Variants in SYNE1 observed in about 807,000 individuals in gnomAD.
SYNE1 encodes spectrin repeat containing nuclear envelope protein 1, also known as nesprin-1.
Under a neutral mutation model 1,111.0 loss-of-function variants are expected in SYNE1, and 616 were observed. That is an observed-to-expected ratio of 0.55 (90% CI 0.52 to 0.59). The LOEUF (loss-of-function observed/expected upper bound fraction) is 0.59, where lower values mean the gene tolerates loss of function less well. SYNE1 is among the 20% of genes least tolerant of loss of function. SYNE1 has a pLI of 0.00. For synonymous variants in SYNE1, 3,855 were observed against 3,825.8 expected, an observed-to-expected ratio of 1.01 and a Z score of -0.28; for missense variants, 10,006 against 10,417.0, an observed-to-expected ratio of 0.96 and a Z score of 1.72.
At chr6:152,559,000 A>AT (rs1199364098) in intron 3 of SYNE1, among the ~76,000 whole-genome samples, 1 of 150,006 alleles carries the variant, frequency 6.7e-6, no homozygotes, top group Non-Finnish European at 1.5e-5. Flanking sequence ...TTATTTATTT[A>AT]TTTATTTATT....
intron 3 of SYNE1, among the ~76,000 whole-genome samples, chr6:152,622,236 GTCAT>G (rs2099677020): frequency 6.6e-6 from 1 of 152,078 alleles, no homozygotes; most frequent in African/African-American, 2.4e-5. Flanking sequence ...AATAAGAAGA[GTCAT>G]TAAGTTAGAG....
chr6:152,323,422 G>C, intron 82 of SYNE1, 56 bp downstream of exon 82: 1 of 1,598,930 alleles, frequency 6.3e-7, no homozygotes, highest in Non-Finnish European at 8.5e-7. Context: ...CTGGGCGACA[G>C]AGCGAGACTC....
intron 132 of SYNE1, 74 bp from the exon 133 acceptor site, chr6:152,155,116 G>A: frequency 6.3e-7 from 1 of 1,586,436 alleles, no homozygotes; most frequent in Non-Finnish European, 8.6e-7. Flanking sequence ...TCTGCTGCCT[G>A]CGACTGGATT....
chr6:152,542,320 T>C (rs2099275104), intron 3 of SYNE1, among the ~76,000 whole-genome samples: 2 of 152,312 alleles, frequency 1.3e-5, no homozygotes, highest in South Asian at 4.1e-4. Context: ...TTTGAATCTA[T>C]CTATAAAATT....
chr6:152,318,079 A>G lies in SYNE1; in HGVS notation c.16572+2T>C, dbSNP rs748765489. The G allele has an allele frequency of 6.2e-7, 1 of 1,614,188 alleles. No individual in the cohort carries two copies. The highest frequency in any genetic ancestry group is 8.5e-7 in the Non-Finnish European group (1 of 1,180,042). On this transcript the variant is annotated splice_donor_variant, in intron 86 of 145. Coordinates refer to ENST00000367255, the MANE Select transcript of SYNE1 (RefSeq NM_182961.4). LOFTEE classifies it high-confidence loss of function. ...TTTGGATTTCTGGCCCGGAACACAT[A>G]CCTGATTGAGCTTGGAGAGCCGATT...
At chr6:152,261,902 G>A in intron 101 of SYNE1, 130 bp downstream of exon 101, 2 of 640,190 alleles carry the variant, frequency 3.1e-6, no homozygotes, top group Non-Finnish European at 5.1e-6. Flanking sequence ...AAAATGTAGA[G>A]TGAAAAATTG....
chr6:152,460,412 T>C (rs2098724541), intron 21 of SYNE1, among the ~76,000 whole-genome samples: 1 of 152,152 alleles, frequency 6.6e-6, no homozygotes, highest in Non-Finnish European at 1.5e-5. Flanking sequence ...GGTCATGATT[T>C]TTCCTATTTT....
chr6:152,377,636 AAAAAATATATATATATATAT>A (rs1194027738), intron 56 of SYNE1, among the ~76,000 whole-genome samples: 2 of 68,802 alleles, frequency 2.9e-5, no homozygotes, highest in African/African-American at 1.7e-4. Flanking sequence ...AAAAAAAAAA[AAAAAATATATATATATATAT>A]ATATATATAT....
At chr6:152,510,760 T>G (rs559918655) in intron 7 of SYNE1, among the ~76,000 whole-genome samples, 1 of 152,310 alleles carries the variant, frequency 6.6e-6, no homozygotes, top group East Asian at 1.9e-4. Flanking sequence ...ATCTCCATCT[T>G]GAGGTGCTCG....
chr6:152,367,282 A>G lies in SYNE1; in HGVS notation c.9908T>C (p.Leu3303Pro), dbSNP rs777270582. 4.3e-6 allele frequency: 7 copies of G among 1,614,270 alleles called. No homozygotes were observed. Among genetic ancestry groups the G allele is most frequent in the Non-Finnish European group, 5.9e-6 (7 of 1,180,048 alleles). ...GGATGTCGGGTGGCAGTATGAATCC[A>G]GCATGTGAATCGCATCCGTCATCCA... The part of the protein sequence containing the change: ...QDWMTDAIHM[L>P]DSYCHPTSDK... Residue 3303 changes from leucine to proline, a missense_variant, in exon 62 of 146, where the codon CTG (leucine) becomes CCG (proline). Leu to Pro is a moderately conservative substitution (Grantham distance 98, BLOSUM62 -3). Coordinates refer to ENST00000367255, the MANE Select transcript of SYNE1 (RefSeq NM_182961.4).
chr6:152,363,308 C>A (rs1278136388), intron 63 of SYNE1, among the ~76,000 whole-genome samples: 4 of 148,472 alleles, frequency 2.7e-5, no homozygotes, highest in Admixed American at 6.7e-5. Flanking sequence ...TCCTGGCTAA[C>A]ACAGTGAAAC....
intron 121 of SYNE1, among the ~76,000 whole-genome samples, chr6:152,216,883 C>T (rs1015988829): frequency 6.6e-6 from 1 of 150,796 alleles, no homozygotes. Flanking sequence ...GTGAACCACC[C>T]CCCTCTCCAT....
At chr6:152,484,068 C>T (rs1389521599) in intron 13 of SYNE1, among the ~76,000 whole-genome samples, 1 of 117,456 alleles carries the variant, frequency 8.5e-6, no homozygotes, top group Admixed American at 8.5e-5. Flanking sequence ...AAAAATTAGC[C>T]AAGTATGGTG....
Position 152,221,032 on chromosome 6 carries a change from A to T in SYNE1, c.21671T>A (p.Leu7224Gln). ...CTGTAGCTGCTCAGCAATCTCTTCC[A>T]GCAAGTTATTCCATCTGGAAATAAT... ...KEVNMRWNNL[L>Q]EEIAEQLQSS... The change falls in exon 119 of 146, where the codon CTG becomes CAG. Residue 7224 changes from leucine (L) to glutamine (Q), a missense_variant. Leu to Gln is a moderately radical substitution (Grantham distance 113). This residue lies in a region of SYNE1 where 2,182 missense variants were observed against 2,287.8 expected (regional missense o/e 0.95). Coordinates refer to ENST00000367255, the MANE Select transcript of SYNE1 (RefSeq NM_182961.4). 1 of 1,614,138 alleles carries T rather than the reference A, an allele frequency of 6.2e-7. No homozygotes were observed. Among genetic ancestry groups the T allele is most frequent in the Non-Finnish European group, 8.5e-7 (1 of 1,180,000 alleles).
At chr6:152,320,005 A>T (rs1352447301) in intron 84 of SYNE1, 1 of 152,324 alleles carries the variant, frequency 6.6e-6, no homozygotes, top group Non-Finnish European at 1.5e-5. Context: ...TTTACTAAAA[A>T]TACAAAAAAT....
chr6:152,473,126 G>T (rs958367909), intron 14 of SYNE1, among the ~76,000 whole-genome samples: 2 of 152,098 alleles, frequency 1.3e-5, no homozygotes, highest in African/African-American at 4.8e-5. Flanking sequence ...TTTCTAAAAA[G>T]ATGTACATGT....
rs192306678 is a variant in SYNE1, at chr6:152,577,340, A to C, written c.68-37319T>G. 3.1e-3 allele frequency among the ~76,000 whole-genome samples: 479 copies of C among 152,326 alleles called. 1 individual carries two copies. Among genetic ancestry groups the C allele is most frequent in the Non-Finnish European group, 5.4e-3 (367 of 68,024 alleles). ...CATCGTTACTGCATTTTAAATCATA[A>C]AAATATTCTTGCCTGGGCGCGGTGG... On this transcript the variant is annotated intron_variant, in intron 3 of 145. Coordinates refer to ENST00000367255, the MANE Select transcript of SYNE1 (RefSeq NM_182961.4).
intron 72 of SYNE1, among the ~76,000 whole-genome samples, chr6:152,349,160 A>C (rs2096697124): frequency 6.6e-6 from 1 of 152,266 alleles, no homozygotes; most frequent in Non-Finnish European, 1.5e-5. Flanking sequence ...CTTGTTTTCC[A>C]TTAAGATCAC....
At chr6:152,526,627 G>A (rs1473987487) in intron 4 of SYNE1, among the ~76,000 whole-genome samples, 1 of 152,176 alleles carries the variant, frequency 6.6e-6, no homozygotes, top group Non-Finnish European at 1.5e-5. Flanking sequence ...CCCTTCTATA[G>A]GACATTCTCA....
Sources: allele counts gnomAD v4.1 joint callset (sites outside exome capture counted in the v4.1 genomes callset), GRCh38; gene constraint gnomAD v4.1.1; regional missense constraint gnomAD v4.1.1; transcripts MANE v1.5; gene names NCBI Gene and HGNC (gene_info 2026-07-23, HGNC 2026-07-21).